Variants in MACF1 observed in about 807,000 individuals in gnomAD.
MACF1 encodes microtubule actin crosslinking factor 1.
In MACF1, 193 loss-of-function variants were observed where a neutral mutation model predicts 854.8. The ratio of observed to expected loss-of-function variants is 0.23; its 90% CI spans 0.20 to 0.25. The LOEUF (loss-of-function observed/expected upper bound fraction) is 0.25, where lower values mean the gene tolerates loss of function less well. Among genes scored for constraint, MACF1 ranks in the 10% least tolerant of loss-of-function variants. The pLI is 1.00. For missense variants in MACF1, 7,722 were observed against 8,929.1 expected (o/e 0.86, Z 5.45); for synonymous variants, 3,185 against 3,226.7 (o/e 0.99, Z 0.44).
In MACF1 at chr1:39,172,776, A is replaced by G. The variant is rs142804183; in HGVS notation, c.221-58406A>G. 3.9e-4 allele frequency among the ~76,000 whole-genome samples: 60 copies of G among 152,324 alleles called. 1 individual carries two copies. In the East Asian group the frequency reaches 8.9e-3, roughly 23 times the overall value. ...AGGAGAAGGTGCTTACTGACTGAGT[A>G]TAAAAGCTTCAGAGACTTTATTATA... On this transcript the variant is annotated intron_variant, in intron 2 of 93. Coordinates refer to the MACF1 transcript ENST00000361689.
chr1:39,185,436 T>C (rs1477689836), intron 2 of MACF1, among the ~76,000 whole-genome samples: 1 of 151,814 alleles, frequency 6.6e-6, no homozygotes, highest in Non-Finnish European at 1.5e-5. Flanking sequence ...GGCTATAGAA[T>C]AGTGCCATGA....
At chr1:39,434,161 T>C (rs1643922996) in intron 68 of MACF1, among the ~76,000 whole-genome samples, 1 of 152,164 alleles carries the variant, frequency 6.6e-6, no homozygotes, top group African/African-American at 2.4e-5. Context: ...GTTTTTCTTA[T>C]ACTATTTTAC....
intron 21 of MACF1, among the ~76,000 whole-genome samples, chr1:39,298,149 C>G (rs1043526746): frequency 3.3e-5 from 5 of 150,434 alleles, no homozygotes; most frequent in Admixed American, 3.3e-4. Flanking sequence ...AAAAAACCAA[C>G]AACAACAACA....
rs763676833 is a variant in MACF1 at position 39,437,866 on chromosome 1, C to T, written c.18078C>T (p.Asp6026=). Reference sequence around the variant, plus strand: ...CACCACTGATCCCTGCTGAAGTAGACAAGATCAGAGAGTGCATCAGTGACA... The same window carrying T: ...CACCACTGATCCCTGCTGAAGTAGATAAGATCAGAGAGTGCATCAGTGACA... ...RMPPLIPAEV[D]KIRECISDNK... Residue 6026 remains aspartate, a synonymous_variant, in exon 71 of 101, where the codon GAC becomes GAT. Transcript: ENST00000564288. 1.9e-6 allele frequency: 3 copies of T among 1,614,094 alleles called. No individual in the cohort carries two copies. Among genetic ancestry groups the T allele is most frequent in the Middle Eastern group, 1.6e-4 (1 of 6,062 alleles).
At chr1:39,327,385 T>C in intron 36 of MACF1, 32 bp downstream of exon 36, 1 of 1,570,890 alleles carries the variant, frequency 6.4e-7, no homozygotes, top group Non-Finnish European at 8.7e-7. Context: ...AAATATTGGG[T>C]GGATACCTTT....
rs186046297 is a variant in MACF1 at position 39,394,254 on chromosome 1, G to T, written c.15816+5596G>T. Reference sequence around the variant, plus strand: ...AACGCCTTCATTTGATTGATTGATTGATTGATTGATTGATTGATTGATTTA... The same window carrying T: ...AACGCCTTCATTTGATTGATTGATTTATTGATTGATTGATTGATTGATTTA... On this transcript the variant is annotated intron_variant, in intron 58 of 100. Coordinates refer to ENST00000564288, the MANE Select transcript of MACF1 (RefSeq NM_001394062.1). Among the ~76,000 whole-genome samples, 770 of 148,604 alleles carry T rather than the reference G, an allele frequency of 5.2e-3. 1 individual carries two copies. The highest frequency in any genetic ancestry group is 7.9e-3 in the Non-Finnish European group (533 of 67,796).
intron 95 of MACF1, among the ~76,000 whole-genome samples, chr1:39,466,945 C>T (rs904047141): frequency 2.0e-5 from 3 of 152,164 alleles, no homozygotes; most frequent in Admixed American, 2.0e-4. Flanking sequence ...GTCAGAGCAG[C>T]TAAGGAATAT....
chr1:39,318,414 A>G, intron 29 of MACF1, 39 bp from the exon 30 acceptor site: 5 of 1,585,458 alleles, frequency 3.2e-6, no homozygotes, highest in Non-Finnish European at 4.3e-6. Flanking sequence ...TTGTATTTGT[A>G]CCAAGGTATC....
Position 39,422,408 on chromosome 1 carries a change from T to A in MACF1, c.15851T>A (p.Met5284Lys), listed in dbSNP as rs1251848515. 1 of 1,614,006 alleles carries A rather than the reference T, an allele frequency of 6.2e-7. No individual in the cohort carries two copies. Among genetic ancestry groups the A allele is most frequent in the Non-Finnish European group, 8.5e-7 (1 of 1,179,990 alleles). ...AAAGAACAAGTGGATCCTCTTCAGA[T>A]GAAATTGCAGCAGGTGAATGGACTT... is the stretch of plus-strand genomic sequence containing the variant. ...FQKEQVDPLQ[M>K]KLQQVNGLGQ... The change falls in exon 59 of 101, where the codon ATG becomes AAG. Residue 5284 changes from methionine (M) to lysine (K), a missense_variant. Met to Lys is a moderately conservative substitution (Grantham distance 95). Around this residue, in one of 15 missense-constraint regions of MACF1, gnomAD observed 2,807 missense variants for 3,235.8 expected, o/e 0.87. Transcript: ENST00000564288.
chr1:39,453,341 A>G (rs903841526), intron 87 of MACF1, among the ~76,000 whole-genome samples: 1 of 152,230 alleles, frequency 6.6e-6, no homozygotes, highest in Admixed American at 6.5e-5. Flanking sequence ...TTTTACAACT[A>G]TAATTATATT....
chr1:39,202,081 C>G (rs1195059309), upstream of MACF1, among the ~76,000 whole-genome samples: 1 of 148,076 alleles, frequency 6.8e-6, no homozygotes, highest in Non-Finnish European at 1.5e-5. Flanking sequence ...ATTCTCCTGC[C>G]TCAGCCTCCC....
chr1:39,234,378 G>A (rs1214636128), intron 2 of MACF1, among the ~76,000 whole-genome samples: 5 of 151,162 alleles, frequency 3.3e-5, no homozygotes, highest in South Asian at 2.1e-4. Flanking sequence ...GGGCAGAGGC[G>A]CCCCTCACCT....
chr1:39,119,317 C>CAAAAAAAAAAA (rs745686071), intron 2 of MACF1, among the ~76,000 whole-genome samples: 2 of 84,732 alleles, frequency 2.4e-5, no homozygotes, highest in East Asian at 3.5e-4. Context: ...AACTCCGTCT[C>CAAAAAAAAAAA]AAAAAAAAAA....
Position 39,336,656 on chromosome 1 carries a change from C to T in MACF1, c.10065+3C>T. ...CAGAGCCCTTCAGAGCAACTCAGGT[C>T]AGTGGTGTGCTTTTTTTTTTTTCTT... On this transcript the variant is annotated splice_donor_region_variant and intron_variant, in intron 37 of 100. Transcript: ENST00000564288. 3 of 1,563,354 alleles carry T rather than the reference C, an allele frequency of 1.9e-6. No individual in the cohort carries two copies. Among genetic ancestry groups the T allele is most frequent in the Non-Finnish European group, 2.6e-6 (3 of 1,163,674 alleles).
chr1:39,117,214 T>C (rs1642569898), intron 2 of MACF1, among the ~76,000 whole-genome samples: 1 of 152,154 alleles, frequency 6.6e-6, no homozygotes, highest in Non-Finnish European at 1.5e-5. Context: ...TTAGTTACCC[T>C]TTGCCCTCTA....
chr1:39,167,188 C>G (rs988469135), intron 2 of MACF1, among the ~76,000 whole-genome samples: 5 of 151,800 alleles, frequency 3.3e-5, no homozygotes, highest in Non-Finnish European at 7.4e-5. Flanking sequence ...TCTTGAACTC[C>G]TGACCTTGGG....
intron 83 of MACF1, 135 bp downstream of exon 83, chr1:39,448,287 G>A (rs913244166): frequency 6.2e-5 from 64 of 1,039,230 alleles, no homozygotes; most frequent in Non-Finnish European, 8.8e-5. Flanking sequence ...ATGAAGCCAG[G>A]GTTCCATTTT....
chr1:39,329,367 C>A (rs990552600), intron 36 of MACF1, among the ~76,000 whole-genome samples: 3 of 152,134 alleles, frequency 2.0e-5, no homozygotes, highest in African/African-American at 7.2e-5. Flanking sequence ...GTTTCTAACA[C>A]CTGAGGGGAA....
chr1:39,244,120 G>C (rs192161782), intron 2 of MACF1, among the ~76,000 whole-genome samples: 6 of 151,036 alleles, frequency 4.0e-5, no homozygotes, highest in South Asian at 2.1e-4. Context: ...ATTTTTTTTG[G>C]GGGGGACAGA....
Sources: allele counts gnomAD v4.1 joint callset (sites outside exome capture counted in the v4.1 genomes callset), GRCh38; gene constraint gnomAD v4.1.1; regional missense constraint gnomAD v4.1.1; transcripts MANE v1.5; gene names NCBI Gene and HGNC (gene_info 2026-07-23, HGNC 2026-07-21).